CDR2L: variants seen among roughly 807,000 people sequenced by gnomAD.
CDR2L encodes cerebellar degeneration related protein 2 like.
In CDR2L, 19 loss-of-function variants were observed where a neutral mutation model predicts 36.1. The observed-to-expected ratio is 0.53, with a 90% confidence interval of 0.37 to 0.77. The LOEUF is 0.77. Ranked by LOEUF, CDR2L falls within the 30% of genes least tolerant of loss-of-function variation. CDR2L has a pLI of 0.00. For missense variants in CDR2L, 575 were observed against 627.2 expected (o/e 0.92, Z 0.89); for synonymous variants, 285 against 280.4 (o/e 1.02, Z -0.16).
At position 75,003,453 on chromosome 17, in the gene CDR2L, G is replaced by T. The variant is rs35011468; in HGVS notation, c.777G>T (p.Gln259His). Reference protein sequence around the residue: ...AELLELQQMKQAKTYLLGPDD... With the variant: ...AELLELQQMKHAKTYLLGPDD... ...TGCTGGAGCTGCAGCAGATGAAGCA[G>T]GCCAAGACCTACCTACTGGGTCCGG... is the stretch of plus-strand genomic sequence containing the variant. The change falls in exon 5 of 5, where the codon CAG (glutamine) becomes CAT (histidine). Residue 259 changes from glutamine (Q) to histidine (H), a missense_variant. By Grantham distance (24) the Gln-to-His change is conservative. Coordinates refer to ENST00000337231, the MANE Select transcript of CDR2L (RefSeq NM_014603.3). The T allele has an allele frequency of 6.3e-7, 1 of 1,577,864 alleles. No homozygotes were observed. Among genetic ancestry groups the T allele is most frequent in the Non-Finnish European group, 8.6e-7 (1 of 1,162,952 alleles).
intron 3 of CDR2L, 131 bp from the exon 4 acceptor site, chr17:75,001,933 C>A: frequency 1.3e-6 from 1 of 749,394 alleles, no homozygotes; most frequent in Non-Finnish European, 2.1e-6. Context: ...ACCTCAGGAC[C>A]AGACAGCGGC....
Position 75,004,392 on chromosome 17 carries a change from G to A in CDR2L, c.*318G>A, listed in dbSNP as rs2039890993. 1 of 277,622 alleles carries A rather than the reference G, an allele frequency of 3.6e-6. No homozygotes were observed. Among genetic ancestry groups the A allele is most frequent in the Non-Finnish European group, 6.7e-6 (1 of 149,778 alleles). The allele number at this position is 277,622 out of a possible 1,614,324, so 17.2% of individuals were successfully genotyped here. ...CCCTGCGCCTCACCCTCAGACTGGT[G>A]ACCAGGCTTCTGAAAGCCATTCTGG... On this transcript the variant is annotated 3_prime_UTR_variant, in exon 5 of 5. Coordinates refer to ENST00000337231, the MANE Select transcript of CDR2L (RefSeq NM_014603.3).
At chr17:75,001,269 T>TGGG (rs1555636116) in intron 2 of CDR2L, 72 bp from the exon 3 acceptor site, 3 of 1,385,628 alleles carry the variant, frequency 2.2e-6, no homozygotes, top group Non-Finnish European at 2.9e-6. Context: ...AAAAAAGAAG[T>TGGG]AGGAGGGTCT....
intron 1 of CDR2L, among the ~76,000 whole-genome samples, chr17:74,998,147 C>A (rs1298024661): frequency 6.6e-6 from 1 of 151,932 alleles, no homozygotes; most frequent in Middle Eastern, 3.2e-3. Context: ...TTAGCGTGAA[C>A]CTGGGAGGCG....
rs916084250 is a variant in CDR2L, at chr17:75,002,283, G to GAGGCAGC, written c.506+66_506+72dup. 2.8e-4 allele frequency: 418 copies of GAGGCAGC among 1,516,742 alleles called. 1 individual carries two copies. The highest frequency in any genetic ancestry group is 5.1e-5 in the Non-Finnish European group (57 of 1,115,750). 94.0% of individuals were successfully genotyped at this position (1,516,742 alleles called of 1,614,324 possible). A position where few individuals can be genotyped will look rare whatever the true frequency, so the allele number is the denominator to read the frequency against. On this transcript the variant is annotated intron_variant, in intron 4 of 4. Transcript: ENST00000337231. This position sits in a 1 kb window ranked among gnomAD's most constrained non-coding sequence, Gnocchi z 4.1. The stretch of plus-strand genomic sequence containing the variant: ...GGATTGCCAGCCATGGGAGGAAGGA[G>GAGGCAGC]AGGCAGCAGGCAGCAGGGTGCAGTT...
Position 74,997,071 on chromosome 17 carries a change from TCTTTCTTTCTTTC to T in CDR2L, c.80-2432_80-2420del, listed in dbSNP as rs750852592. On this transcript the variant is annotated intron_variant, in intron 1 of 4. Transcript: ENST00000337231. ...TTCTTTCTTTCTTTCTTTCTTTCTTTCTTTCTTTCTTTCTTTTTTTTTTTTGAGACTGAGTCTC... is the reference window on the plus strand; with the variant it reads ...TTCTTTCTTTCTTTCTTTCTTTCTTTTTTTTTTTTTTTGAGACTGAGTCTC... Among the ~76,000 whole-genome samples, 230 of 57,450 alleles carry T rather than the reference TCTTTCTTTCTTTC, an allele frequency of 4.0e-3. 14 individuals are homozygous for T. Among genetic ancestry groups the T allele is most frequent in the South Asian group, 7.1e-3 (13 of 1,838 alleles). The allele number at this position is 57,450 out of a possible 152,430, so 37.7% of individuals were successfully genotyped here.
chr17:75,003,074 G>T, intron 4 of CDR2L, 109 bp from the exon 5 acceptor site: 1 of 1,171,134 alleles, frequency 8.5e-7, no homozygotes, highest in Non-Finnish European at 1.2e-6. Context: ...TCAGCCCAGA[G>T]AACAAGAGAG....
At chr17:74,988,234 G>T in intron 1 of CDR2L, 112 bp downstream of exon 1, 1 of 692,484 alleles carries the variant, frequency 1.4e-6, no homozygotes, top group Non-Finnish European at 2.2e-6. Context: ...GACCGGGCGC[G>T]CCCGACTCGG....
chr17:75,001,552 G>A, intron 3 of CDR2L, 63 bp downstream of exon 3: 2 of 1,399,386 alleles, frequency 1.4e-6, no homozygotes, highest in South Asian at 1.5e-5. Context: ...AGTGTACACA[G>A]GGGCCCATGG....
chr17:74,989,918 C>T lies in CDR2L; in HGVS notation c.79+1796C>T, dbSNP rs1024478222. On this transcript the variant is annotated intron_variant, in intron 1 of 4. Transcript: ENST00000337231. This position sits in a 1 kb window ranked among gnomAD's most constrained non-coding sequence, Gnocchi z 4.2. ...CCTCCCGAAGTGCTGGGATTACAGGCGTGAGCCACCACGCCCGGCTGGTGG... is the reference window on the plus strand; with the variant it reads ...CCTCCCGAAGTGCTGGGATTACAGGTGTGAGCCACCACGCCCGGCTGGTGG... Among the ~76,000 whole-genome samples the T allele has an allele frequency of 6.6e-6, 1 of 152,130 alleles. No individual in the cohort carries two copies. The highest frequency in any genetic ancestry group is 1.5e-5 in the Non-Finnish European group (1 of 68,026).
Position 75,004,334 on chromosome 17 carries a change from A to T in CDR2L, c.*260A>T, listed in dbSNP as rs1298946853. The T allele has an allele frequency of 1.2e-5, 5 of 401,802 alleles. No individual in the cohort carries two copies. Among genetic ancestry groups the T allele is most frequent in the Non-Finnish European group, 1.8e-5 (4 of 224,848 alleles). 24.9% of individuals were successfully genotyped at this position (401,802 alleles called of 1,614,324 possible). A position where few individuals can be genotyped will look rare whatever the true frequency, so the allele number is the denominator to read the frequency against. ...GCCAAATGTCCCCACTACCCCAGGG[A>T]TCCCCCAGCTCCCCCAGCCCCTGGC... On this transcript the variant is annotated 3_prime_UTR_variant, in exon 5 of 5. Coordinates refer to ENST00000337231, the MANE Select transcript of CDR2L (RefSeq NM_014603.3).
In CDR2L at chr17:75,002,285, G is replaced by T; in HGVS notation, c.506+57G>T. 6.8e-7 allele frequency: 1 copy of T among 1,465,442 alleles called. No individual in the cohort carries two copies. The highest frequency in any genetic ancestry group is 1.2e-5 in the South Asian group (1 of 81,502). 90.8% of individuals were successfully genotyped at this position (1,465,442 alleles called of 1,614,324 possible). Reference sequence around the variant, plus strand: ...ATTGCCAGCCATGGGAGGAAGGAGAGGCAGCAGGCAGCAGGGTGCAGTTGG... The same window carrying T: ...ATTGCCAGCCATGGGAGGAAGGAGATGCAGCAGGCAGCAGGGTGCAGTTGG... On this transcript the variant is annotated intron_variant, in intron 4 of 4. Coordinates refer to ENST00000337231, the MANE Select transcript of CDR2L (RefSeq NM_014603.3). The surrounding 1 kb of genome is among the most constrained non-coding windows in gnomAD (Gnocchi z 4.1).
chr17:74,995,497 GTTGT>G (rs964904002), intron 1 of CDR2L, among the ~76,000 whole-genome samples: 8 of 151,354 alleles, frequency 5.3e-5, no homozygotes, highest in South Asian at 2.1e-4. Flanking sequence ...GTTTGTTGTT[GTTGT>G]TTGTTTGTTT....
chr17:75,002,345 T>A lies in CDR2L; in HGVS notation c.506+117T>A. The stretch of plus-strand genomic sequence containing the variant: ...CAGGCCATCAGAGAGACTGGTCCTG[T>A]TGCTAATGACAGTCACAGCAGCTGG... On this transcript the variant is annotated intron_variant, in intron 4 of 4. Transcript: ENST00000337231. This position sits in a 1 kb window ranked among gnomAD's most constrained non-coding sequence, Gnocchi z 4.1. 2.3e-6 allele frequency: 2 copies of A among 886,256 alleles called. No homozygotes were observed. Among genetic ancestry groups the A allele is most frequent in the Non-Finnish European group, 3.4e-6 (2 of 586,314 alleles). 54.9% of individuals were successfully genotyped at this position (886,256 alleles called of 1,614,324 possible).
Position 75,003,249 on chromosome 17 carries a change from G to A in CDR2L, c.573G>A (p.Glu191=), listed in dbSNP as rs1298159129. Residue 191 remains glutamate (E), a synonymous_variant, in exon 5 of 5, where the codon GAG becomes GAA. Coordinates refer to ENST00000337231, the MANE Select transcript of CDR2L (RefSeq NM_014603.3). The part of the protein sequence containing the change: ...LELGPRPLEQ[E]NERLQTLVGA... The stretch of plus-strand genomic sequence containing the variant: ...TGGGCCCGCGGCCCCTGGAGCAGGA[G>A]AACGAGCGGCTGCAGACCCTGGTGG... The A allele has an allele frequency of 7.0e-6, 11 of 1,562,228 alleles. No homozygotes were observed. Among genetic ancestry groups the A allele is most frequent in the Admixed American group, 1.9e-5 (1 of 52,072 alleles).
intron 1 of CDR2L, among the ~76,000 whole-genome samples, chr17:74,996,367 C>A (rs1414081584): frequency 6.6e-6 from 1 of 150,976 alleles, no homozygotes; most frequent in Non-Finnish European, 1.5e-5. Context: ...TAGCTTGAAC[C>A]CGGGAGGCGG....
At position 74,994,810 on chromosome 17, in the gene CDR2L, G is replaced by T. The variant is rs2039815454; in HGVS notation, c.80-4694G>T. On this transcript the variant is annotated intron_variant, in intron 1 of 4. Coordinates refer to ENST00000337231, the MANE Select transcript of CDR2L (RefSeq NM_014603.3). ...TTTGTAGAGATGGGGTCTCGGGTAG[G>T]GCGCGATCCCAACACCTTGGGAGGC... Among the ~76,000 whole-genome samples the T allele has an allele frequency of 2.0e-5, 3 of 151,590 alleles. No homozygotes were observed. The South Asian group carries it at 6.3e-4, about 32-fold the overall frequency.
At position 75,003,866 on chromosome 17, in the gene CDR2L, C is replaced by T. The variant is rs748691586; in HGVS notation, c.1190C>T (p.Ser397Leu). 5.6e-6 allele frequency: 9 copies of T among 1,594,800 alleles called. No homozygotes were observed. Among genetic ancestry groups the T allele is most frequent in the Non-Finnish European group, 6.8e-6 (8 of 1,171,352 alleles). ...TCGCGCCCCATCTCCCGGGACAGCT[C>T]GTGGAGGGACCTGCGCGGGGGTGAG... ...QTSRPISRDSSWRDLRGGEEG... is the reference protein window; with the variant it reads ...QTSRPISRDSLWRDLRGGEEG... Residue 397 changes from serine to leucine, a missense_variant, in exon 5 of 5, where the codon TCG becomes TTG. By Grantham distance (145) the Ser-to-Leu change is moderately radical (BLOSUM62 -2). Coordinates refer to ENST00000337231, the MANE Select transcript of CDR2L (RefSeq NM_014603.3).
intron 2 of CDR2L, among the ~76,000 whole-genome samples, chr17:75,000,150 C>T (rs1372317368): frequency 6.6e-6 from 1 of 152,074 alleles, no homozygotes; most frequent in African/African-American, 2.4e-5. Flanking sequence ...GTGGCATAAG[C>T]CTGTGGTCCC....
Sources: allele counts gnomAD v4.1 joint callset (sites outside exome capture counted in the v4.1 genomes callset), GRCh38; gene constraint gnomAD v4.1.1; non-coding constraint Gnocchi (gnomAD v3.1); transcripts MANE v1.5; gene names NCBI Gene and HGNC (gene_info 2026-07-23, HGNC 2026-07-21).